Variants in PCDHA6 observed in about 807,000 individuals in gnomAD.
PCDHA6 encodes the protein protocadherin alpha-6.
PCDHA6 carries 55 observed loss-of-function variants against 60.3 expected under a neutral mutation model. The observed-to-expected ratio is 0.91, with a 90% CI of 0.73 to 1.14. PCDHA6 has a LOEUF of 1.14. Ranked by LOEUF, PCDHA6 falls within the 50% of genes most tolerant of loss-of-function variation. The pLI is 0.00. For synonymous variants in PCDHA6, 652 were observed against 557.9 expected (o/e 1.17, Z -2.38); for missense variants, 1,327 against 1,256.5 (o/e 1.06, Z -0.85).
At chr5:140,903,873 A>G (rs1173905704) in intron 1 of PCDHA6, among the ~76,000 whole-genome samples, 2 of 152,204 alleles carry the variant, frequency 1.3e-5, no homozygotes, top group Non-Finnish European at 2.9e-5. Context: ...GTAAAATGAC[A>G]AAGACATTGA....
At chr5:140,992,035 G>A (rs529236840) in intron 3 of PCDHA6, among the ~76,000 whole-genome samples, 1 of 151,988 alleles carries the variant, frequency 6.6e-6, no homozygotes, top group Non-Finnish European at 1.5e-5. Flanking sequence ...GTGTGTGTGT[G>A]TGTGTGTGTG....
chr5:140,940,666 A>G (rs1398290925), intron 1 of PCDHA6, among the ~76,000 whole-genome samples: 1 of 152,176 alleles, frequency 6.6e-6, no homozygotes, highest in Non-Finnish European at 1.5e-5. Flanking sequence ...TTAAATCTTC[A>G]TCTGATAATT....
intron 1 of PCDHA6, chr5:140,859,978 C>T (rs1554152894): frequency 6.6e-6 from 1 of 151,802 alleles, no homozygotes. Context: ...TATACAAGTG[C>T]ATTAATCTCT....
At chr5:140,909,709 A>G (rs2153511702) in intron 1 of PCDHA6, among the ~76,000 whole-genome samples, 1 of 152,294 alleles carries the variant, frequency 6.6e-6, no homozygotes, top group Non-Finnish European at 1.5e-5. Context: ...GCTGCTAAGT[A>G]TACCTATGCC....
chr5:140,884,457 G>A, intron 1 of PCDHA6: 1 of 1,613,758 alleles, frequency 6.2e-7, no homozygotes, highest in Non-Finnish European at 8.5e-7. Flanking sequence ...CCCACCGAGG[G>A]CGCGTGCGCG....
Position 140,841,637 on chromosome 5 carries a change from C to G in PCDHA6, c.2394+11152C>G, listed in dbSNP as rs2150319876. The G allele has an allele frequency of 4.3e-6, 7 of 1,614,008 alleles. No individual in the cohort carries two copies. Among genetic ancestry groups the G allele is most frequent in the Admixed American group, 3.3e-5 (2 of 59,990 alleles). ...GCGGAGCGCGGAGTGCAGCATCCAC[C>G]TGGAGGTGATCGTGGACAGGCCGCT... On this transcript the variant is annotated intron_variant, in intron 1 of 3. Coordinates refer to ENST00000529310, the MANE Select transcript of PCDHA6 (RefSeq NM_018909.4).
chr5:140,849,638 C>T (rs2041012069), intron 1 of PCDHA6: 1 of 1,598,650 alleles, frequency 6.3e-7, no homozygotes, highest in African/African-American at 1.3e-5. Flanking sequence ...ACGCAGATGC[C>T]AACGGGCAGG....
At chr5:140,893,456 C>G (rs781790396) in intron 1 of PCDHA6, among the ~76,000 whole-genome samples, 44 of 151,918 alleles carry the variant, frequency 2.9e-4, no homozygotes, top group Non-Finnish European at 2.6e-4. Flanking sequence ...AGTTCAAGAC[C>G]AGCCTGGGCA....
At chr5:140,877,082 C>A in intron 1 of PCDHA6, 1 of 1,613,120 alleles carries the variant, frequency 6.2e-7, no homozygotes, top group African/African-American at 1.3e-5. Flanking sequence ...CAGGTGAGCG[C>A]GCGCGACGCC....
Position 140,879,462 on chromosome 5 carries a change from G to A in PCDHA6, c.2394+48977G>A, listed in dbSNP as rs927340529. 2.0e-5 allele frequency among the ~76,000 whole-genome samples: 3 copies of A among 152,180 alleles called. No individual in the cohort carries two copies. The South Asian group carries it at 6.2e-4, about 32-fold the overall frequency. ...AAAATGTTACTTTGAAGTCCTAAGAGAATACCGTTGTGATTGGAAATATGG... is the reference window on the plus strand; with the variant it reads ...AAAATGTTACTTTGAAGTCCTAAGAAAATACCGTTGTGATTGGAAATATGG... On this transcript the variant is annotated intron_variant, in intron 1 of 3. Coordinates refer to ENST00000529310, the MANE Select transcript of PCDHA6 (RefSeq NM_018909.4).
At chr5:140,863,270 T>C (rs1554158046) in intron 1 of PCDHA6, 1 of 1,459,904 alleles carries the variant, frequency 6.8e-7, no homozygotes, top group Admixed American at 1.8e-5. Flanking sequence ...GAGGCAGCGC[T>C]GGTGGATGTC....
At chr5:140,841,244 G>A in intron 1 of PCDHA6, 1 of 1,496,324 alleles carries the variant, frequency 6.7e-7, no homozygotes, top group South Asian at 1.4e-5. Context: ...CAGCGGAATT[G>A]GATTAAAAGA....
At chr5:140,849,651 A>T (rs2041019666) in intron 1 of PCDHA6, 1 of 1,598,758 alleles carries the variant, frequency 6.3e-7, no homozygotes, top group Non-Finnish European at 8.6e-7. Flanking sequence ...CGGGCAGGTT[A>T]CCTGCTCCCT....
At chr5:140,870,627 G>A (rs782093554) in intron 1 of PCDHA6, 17 of 1,612,908 alleles carry the variant, frequency 1.1e-5, no homozygotes, top group Middle Eastern at 1.7e-4. Flanking sequence ...GCTACGTGTC[G>A]GTGCACGCGG....
At chr5:140,915,446 GT>G (rs2077122918) in intron 1 of PCDHA6, among the ~76,000 whole-genome samples, 1 of 152,184 alleles carries the variant, frequency 6.6e-6, no homozygotes, top group African/African-American at 2.4e-5. Flanking sequence ...TCTTGAGAAG[GT>G]TTTCCAGAAG....
intron 1 of PCDHA6, chr5:140,870,378 T>C (rs782676295): frequency 1.9e-6 from 3 of 1,614,036 alleles, no homozygotes; most frequent in African/African-American, 1.3e-5. Flanking sequence ...TGGTGGTGAC[T>C]GCGCGGGATG....
rs782208845 is a variant in PCDHA6 at position 140,857,288 on chromosome 5, C to G, written c.2394+26803C>G. ...ATTGGTGCTGGACAGCGCTCTGGAC[C>G]GCGAGAGGGTGTCGGCCTATGAGCT... On this transcript the variant is annotated intron_variant, in intron 1 of 3. Transcript: ENST00000529310. 42 of 1,598,652 alleles carry G rather than the reference C, an allele frequency of 2.6e-5. 1 individual carries two copies. The highest frequency in any genetic ancestry group is 3.3e-5 in the Non-Finnish European group (39 of 1,168,028).
At chr5:140,877,583 T>A (rs782090888) in intron 1 of PCDHA6, 2 of 1,613,816 alleles carry the variant, frequency 1.2e-6, no homozygotes, top group East Asian at 4.5e-5. Context: ...ATCATCGCCA[T>A]CTGTGCGGTG....
chr5:140,918,494 G>A (rs1252984580), intron 1 of PCDHA6, among the ~76,000 whole-genome samples: 2 of 152,098 alleles, frequency 1.3e-5, no homozygotes, highest in Non-Finnish European at 2.9e-5. Context: ...GCTTTGGATG[G>A]TACCAATCCT....
Sources: gnomAD v4.1 joint callset for allele counts (sites outside exome capture counted in the v4.1 genomes callset) on GRCh38, gnomAD v4.1.1 for gene constraint, MANE v1.5 for transcripts, NCBI Gene and HGNC (gene_info 2026-07-23, HGNC 2026-07-21) for gene names.